Variants in MYO18B observed in about 807,000 individuals in gnomAD.
MYO18B encodes unconventional myosin-XVIIIb.
A neutral mutation model predicts 273.0 loss-of-function variants in MYO18B; 204 were observed. The ratio of observed to expected loss-of-function variants is 0.75; its 90% confidence interval spans 0.67 to 0.84. The LOEUF is 0.84. Among genes scored for constraint, MYO18B ranks in the 40% least tolerant of loss-of-function variants. The pLI, the probability that MYO18B is intolerant of heterozygous loss-of-function variation, is 0.00. For missense variants in MYO18B, 3,212 were observed against 3,287.6 expected (o/e 0.98, Z 0.56); for synonymous variants, 1,330 against 1,305.7 (o/e 1.02, Z -0.40).
At chr22:26,049,724 G>A in the MYO18B span, among the ~76,000 whole-genome samples, 9 of 152,154 alleles carry the variant, frequency 5.9e-5, no homozygotes, top group Admixed American at 6.5e-5. Flanking sequence ...TCACTGGGCC[G>A]GGACTCCAGA....
chr22:25,777,645 C>T lies in MYO18B; in HGVS notation c.1932C>T (p.Tyr644=), dbSNP rs1184608239. Residue 644 remains tyrosine (Y), a synonymous_variant, in exon 8 of 44, where the codon TAC becomes TAT. Transcript: ENST00000335473. ...TTGGCTCCATGGCACAGCGGGCATA[C>T]TGGGCGCTGCTGAACCAGCGGAGAG... The part of the protein sequence containing the change: ...AHIGSMAQRA[Y]WALLNQRRDQ... 1.2e-6 allele frequency: 2 copies of T among 1,612,110 alleles called. No individual in the cohort carries two copies. The highest frequency in any genetic ancestry group is 1.1e-5 in the South Asian group (1 of 90,776).
chr22:25,942,966 A>T (rs1022151815), intron 34 of MYO18B, among the ~76,000 whole-genome samples: 1 of 152,070 alleles, frequency 6.6e-6, no homozygotes, highest in East Asian at 1.9e-4. Flanking sequence ...CATCTATAAA[A>T]TGGGGATAAA....
intron 12 of MYO18B, among the ~76,000 whole-genome samples, chr22:25,814,941 A>T (rs2088936504): frequency 6.6e-6 from 1 of 152,212 alleles, no homozygotes; most frequent in African/African-American, 2.4e-5. Flanking sequence ...GGAGGGGAAG[A>T]GCCCAATCTG....
At chr22:25,895,043 T>G in intron 27 of MYO18B, 113 bp from the exon 28 acceptor site, 1 of 1,284,500 alleles carries the variant, frequency 7.8e-7, no homozygotes, top group Non-Finnish European at 1.1e-6. Context: ...AAGGGCTCTG[T>G]GAATATTGTG....
At chr22:25,804,860 C>T (rs1366988436) in intron 12 of MYO18B, among the ~76,000 whole-genome samples, 2 of 152,220 alleles carry the variant, frequency 1.3e-5, no homozygotes, top group Non-Finnish European at 1.5e-5. Flanking sequence ...ACTGTGAGAT[C>T]GGATATGATG....
At chr22:25,760,434 A>C (rs112166231) in intron 1 of MYO18B, among the ~76,000 whole-genome samples, 1,879 of 111,408 alleles carry the variant, frequency 0.017, 104 homozygotes, top group African/African-American at 0.055. Flanking sequence ...AAAAAAAAAA[A>C]CACAAAAACA....
chr22:25,841,917 C>G (rs1057234341), intron 17 of MYO18B, among the ~76,000 whole-genome samples: 1 of 152,240 alleles, frequency 6.6e-6, no homozygotes, highest in African/African-American at 2.4e-5. Context: ...TCACCTTACT[C>G]CCTGTGGGTG....
At chr22:25,905,989 G>A (rs980525823) in intron 31 of MYO18B, among the ~76,000 whole-genome samples, 1 of 152,108 alleles carries the variant, frequency 6.6e-6, no homozygotes, top group Admixed American at 6.6e-5. Flanking sequence ...ATACCACTGG[G>A]GGACCACTTA....
At chr22:25,789,092 CTTCTTCT>C (rs780760110) in intron 11 of MYO18B, among the ~76,000 whole-genome samples, 40 of 75,020 alleles carry the variant, frequency 5.3e-4, no homozygotes, top group Middle Eastern at 6.8e-3. Flanking sequence ...CTTCCTCCTC[CTTCTTCT>C]TCCTCCTCCT....
intron 1 of MYO18B, among the ~76,000 whole-genome samples, chr22:25,744,169 A>G (rs190823237): frequency 1.5e-3 from 235 of 152,288 alleles, no homozygotes; most frequent in Non-Finnish European, 2.6e-3. Context: ...GCACTTTATT[A>G]GGGTCTAACT....
At chr22:25,995,250 C>T (rs1214425695) in intron 40 of MYO18B, among the ~76,000 whole-genome samples, 1 of 152,138 alleles carries the variant, frequency 6.6e-6, no homozygotes, top group African/African-American at 2.4e-5. Context: ...CAATTTAACC[C>T]ATGGGAATAG....
chr22:26,046,327 A>G, the MYO18B span, among the ~76,000 whole-genome samples: 1 of 152,188 alleles, frequency 6.6e-6, no homozygotes, highest in East Asian at 1.9e-4. Context: ...TACCATAAAT[A>G]ATGGCCTCTA....
intron 40 of MYO18B, among the ~76,000 whole-genome samples, chr22:25,997,964 C>G (rs1384426044): frequency 8.1e-5 from 11 of 136,230 alleles, no homozygotes; most frequent in Admixed American, 7.1e-4. Flanking sequence ...CACAAACACA[C>G]ACACACACAC....
At chr22:25,744,459 C>T (rs1030343171) in intron 1 of MYO18B, among the ~76,000 whole-genome samples, 12 of 152,120 alleles carry the variant, frequency 7.9e-5, no homozygotes, top group Admixed American at 5.2e-4. Flanking sequence ...TGGCCGGGCG[C>T]GGGGGCTCAC....
intron 12 of MYO18B, among the ~76,000 whole-genome samples, chr22:25,802,609 C>T (rs1601740238): frequency 6.6e-6 from 1 of 151,684 alleles, no homozygotes; most frequent in Non-Finnish European, 1.5e-5. Context: ...AAAAATTAGC[C>T]GGGCATGGTG....
At chr22:25,941,231 G>C (rs544816451) in intron 34 of MYO18B, among the ~76,000 whole-genome samples, 1 of 152,146 alleles carries the variant, frequency 6.6e-6, no homozygotes, top group Non-Finnish European at 1.5e-5. Context: ...GAAATTGCAG[G>C]ACCTTCATCT....
chr22:25,931,840 ATTTT>A (rs35548306), intron 34 of MYO18B, among the ~76,000 whole-genome samples: 2 of 141,528 alleles, frequency 1.4e-5, no homozygotes, highest in East Asian at 4.1e-4. Context: ...TGCCCTGCTA[ATTTT>A]TTTTTTTTTT....
At chr22:26,031,046 C>T (rs772043306), downstream of MYO18B, 9 of 397,596 alleles carry the variant, frequency 2.3e-5, no homozygotes, top group South Asian at 1.4e-4. Context: ...ACACCCTGAA[C>T]GCATGCGACA....
chr22:25,875,928 A>C (rs2091178611), intron 23 of MYO18B, among the ~76,000 whole-genome samples: 1 of 151,962 alleles, frequency 6.6e-6, no homozygotes, highest in African/African-American at 2.4e-5. Flanking sequence ...TTATTTGGCC[A>C]TGCAAGACTA....
Sources: gnomAD v4.1 joint callset for allele counts (sites outside exome capture counted in the v4.1 genomes callset) on GRCh38, gnomAD v4.1.1 for gene constraint, MANE v1.5 for transcripts, NCBI Gene and HGNC (gene_info 2026-07-23, HGNC 2026-07-21) for gene names.